The following PTPRT variants were observed in gnomAD, a reference collection of about 807,000 sequenced individuals.
The protein encoded by PTPRT is receptor-type tyrosine-protein phosphatase T.
Under a neutral mutation model 176.8 loss-of-function variants are expected in PTPRT, and 56 were observed. The ratio of observed to expected loss-of-function variants is 0.32; its 90% CI spans 0.26 to 0.40. PTPRT has a LOEUF of 0.40. Among genes scored for constraint, PTPRT ranks in the 10% least tolerant of loss-of-function variants. The probability of loss-of-function intolerance (pLI) is 1.00; values close to 1 mark genes in which losing one functional copy is unlikely to be tolerated. For synonymous variants in PTPRT, 783 were observed against 739.0 expected (o/e 1.06, Z -0.96); for missense variants, 1,540 against 1,908.2 (o/e 0.81, Z 3.60).
chr20:42,704,367 TA>T (rs1170378098), intron 6 of PTPRT, among the ~76,000 whole-genome samples: 1 of 150,648 alleles, frequency 6.6e-6, no homozygotes, highest in African/African-American at 2.4e-5. Flanking sequence ...CAATAAGTCA[TA>T]AACCCAACTT....
At chr20:43,088,482 T>C (rs908936891) in intron 1 of PTPRT, among the ~76,000 whole-genome samples, 1 of 152,090 alleles carries the variant, frequency 6.6e-6, no homozygotes, top group Non-Finnish European at 1.5e-5. Flanking sequence ...GAGTGCCCTG[T>C]GTGGCTACAC....
At chr20:42,528,796 CTTGCTT>C (rs2072324688) in intron 7 of PTPRT, among the ~76,000 whole-genome samples, 1 of 152,216 alleles carries the variant, frequency 6.6e-6, no homozygotes, top group Non-Finnish European at 1.5e-5. Context: ...GCATTTTATG[CTTGCTT>C]AATCTTAGAT....
chr20:42,765,390 G>A (rs560186082), intron 5 of PTPRT, among the ~76,000 whole-genome samples: 1 of 152,248 alleles, frequency 6.6e-6, no homozygotes, highest in South Asian at 2.1e-4. Context: ...GTGTCTGATG[G>A]TGATGATGGG....
chr20:43,154,117 T>A (rs921709835), intron 1 of PTPRT, among the ~76,000 whole-genome samples: 3 of 152,236 alleles, frequency 2.0e-5, no homozygotes, highest in Non-Finnish European at 4.4e-5. Flanking sequence ...CATAAAAGCA[T>A]AAAATTGTTT....
chr20:42,323,440 A>T (rs2057833968), intron 11 of PTPRT, among the ~76,000 whole-genome samples: 1 of 152,178 alleles, frequency 6.6e-6, no homozygotes, highest in South Asian at 2.1e-4. Flanking sequence ...ATAAAAAATG[A>T]TGAGTTCATG....
chr20:42,081,298 C>T (rs1363219789), intron 30 of PTPRT, among the ~76,000 whole-genome samples: 1 of 152,098 alleles, frequency 6.6e-6, no homozygotes, highest in Non-Finnish European at 1.5e-5. Context: ...TAACAAGCTC[C>T]CAGATAATGA....
chr20:42,117,357 T>A, intron 21 of PTPRT, among the ~76,000 whole-genome samples: 1 of 152,210 alleles, frequency 6.6e-6, no homozygotes, highest in East Asian at 1.9e-4. Flanking sequence ...AGAGCCCTTT[T>A]AATTCTCGTG....
intron 16 of PTPRT, among the ~76,000 whole-genome samples, chr20:42,178,356 T>A (rs887151223): frequency 3.9e-5 from 6 of 152,190 alleles, no homozygotes; most frequent in African/African-American, 1.4e-4. Flanking sequence ...CCTGAATAGT[T>A]GCCCTTATGG....
intron 1 of PTPRT, among the ~76,000 whole-genome samples, chr20:42,888,106 A>G (rs2079132160): frequency 6.6e-6 from 1 of 152,198 alleles, no homozygotes; most frequent in Non-Finnish European, 1.5e-5. Context: ...ACCCAGTTTA[A>G]GGCATTTTGT....
intron 5 of PTPRT, 99 bp downstream of exon 5, chr20:42,771,336 G>A: frequency 9.4e-7 from 1 of 1,068,832 alleles, no homozygotes; most frequent in Non-Finnish European, 1.4e-6. Flanking sequence ...GCATGTCTTT[G>A]TTCAATACAC....
At chr20:42,534,561 G>A (rs546363416) in intron 7 of PTPRT, among the ~76,000 whole-genome samples, 18 of 152,200 alleles carry the variant, frequency 1.2e-4, no homozygotes, top group African/African-American at 3.6e-4. Context: ...GTGTGAACCC[G>A]GGAGGCAGAG....
chr20:42,192,306 C>T (rs1991033918), intron 16 of PTPRT, among the ~76,000 whole-genome samples: 1 of 152,134 alleles, frequency 6.6e-6, no homozygotes, highest in South Asian at 2.1e-4. Flanking sequence ...TTACCACCAC[C>T]CCAGCCAGCC....
At chr20:42,841,799 G>T (rs1245791436) in intron 2 of PTPRT, among the ~76,000 whole-genome samples, 1 of 152,210 alleles carries the variant, frequency 6.6e-6, no homozygotes, top group African/African-American at 2.4e-5. Flanking sequence ...AGAATAGCTA[G>T]TTTGAAGTAA....
At chr20:42,271,027 C>G (rs1028917698) in intron 13 of PTPRT, among the ~76,000 whole-genome samples, 16 of 152,210 alleles carry the variant, frequency 1.1e-4, no homozygotes, top group African/African-American at 3.6e-4. Flanking sequence ...CGTCTGGTCT[C>G]TCTGCCTCCA....
At chr20:42,149,213 G>A (rs1989015134) in intron 17 of PTPRT, among the ~76,000 whole-genome samples, 1 of 152,144 alleles carries the variant, frequency 6.6e-6, no homozygotes, top group Non-Finnish European at 1.5e-5. Context: ...CCATTCAGAG[G>A]GAACAGCAAG....
intron 7 of PTPRT, among the ~76,000 whole-genome samples, chr20:42,574,460 C>A (rs2073220945): frequency 6.6e-6 from 1 of 152,174 alleles, no homozygotes; most frequent in African/African-American, 2.4e-5. Context: ...TACACACCCA[C>A]CAAAGGTGAC....
At chr20:42,872,717 A>G (rs1358784448) in intron 2 of PTPRT, among the ~76,000 whole-genome samples, 1 of 152,244 alleles carries the variant, frequency 6.6e-6, no homozygotes, top group African/African-American at 2.4e-5. Flanking sequence ...ACAATGGTCA[A>G]TAAGGTCCAG....
At chr20:42,518,890 A>C (rs1297774146) in intron 7 of PTPRT, among the ~76,000 whole-genome samples, 1 of 152,134 alleles carries the variant, frequency 6.6e-6, no homozygotes, top group Non-Finnish European at 1.5e-5. Context: ...AATGTACAGT[A>C]TTTTATTTAT....
chr20:42,619,764 G>A (rs2074152447), intron 7 of PTPRT, among the ~76,000 whole-genome samples: 1 of 132,428 alleles, frequency 7.6e-6, no homozygotes. Flanking sequence ...TCTTCACGTA[G>A]TTCTCGAGCC....
Sources: gnomAD v4.1 joint callset for allele counts (sites outside exome capture counted in the v4.1 genomes callset) on GRCh38, gnomAD v4.1.1 for gene constraint, MANE v1.5 for transcripts, NCBI Gene and HGNC (gene_info 2026-07-23, HGNC 2026-07-21) for gene names.